DCDC2: variants seen among roughly 807,000 people sequenced by gnomAD.
DCDC2 encodes the protein doublecortin domain-containing protein 2.
A neutral mutation model predicts 50.2 loss-of-function variants in DCDC2; 40 were observed. The ratio of observed to expected loss-of-function variants is 0.80; its 90% CI spans 0.62 to 1.04. The LOEUF is 1.04. Ranked by LOEUF, DCDC2 falls within the 50% of genes least tolerant of loss-of-function variation. The probability of loss-of-function intolerance (pLI) is 0.00; values close to 1 mark genes in which losing one functional copy is unlikely to be tolerated. For synonymous variants in DCDC2, 234 were observed against 210.6 expected (o/e 1.11, Z -0.96); for missense variants, 570 against 581.9 (o/e 0.98, Z 0.21).
chr6:24,342,697 A>G (rs1760181910), intron 2 of DCDC2, among the ~76,000 whole-genome samples: 1 of 152,128 alleles, frequency 6.6e-6, no homozygotes, highest in East Asian at 1.9e-4. Context: ...TCCAATTAAA[A>G]AAAAAAAAGG....
At position 24,228,981 on chromosome 6, in the gene DCDC2, T is replaced by C. The variant is rs544251981; in HGVS notation, c.923-23879A>G. Among the ~76,000 whole-genome samples, 3 of 152,338 alleles carry C rather than the reference T, an allele frequency of 2.0e-5. No homozygotes were observed. In the South Asian group the frequency reaches 6.2e-4, roughly 32 times the overall value. On this transcript the variant is annotated intron_variant, in intron 7 of 9. Coordinates refer to ENST00000378454, the MANE Select transcript of DCDC2 (RefSeq NM_016356.5). Reference sequence around the variant, plus strand: ...TTCTGGTTCTGTTTTTGGCTTTTAATTTTCCCCCAAAGAATACCAGAAATC... The same window carrying C: ...TTCTGGTTCTGTTTTTGGCTTTTAACTTTCCCCCAAAGAATACCAGAAATC...
At chr6:24,258,276 G>A (rs553355439) in intron 7 of DCDC2, among the ~76,000 whole-genome samples, 21 of 151,948 alleles carry the variant, frequency 1.4e-4, no homozygotes, top group South Asian at 1.0e-3. Context: ...GGCTGGGGGC[G>A]GGGGGTGGCC....
the DCDC2 span, among the ~76,000 whole-genome samples, chr6:24,370,667 G>A: frequency 6.6e-6 from 1 of 152,116 alleles, no homozygotes; most frequent in Non-Finnish European, 1.5e-5. Flanking sequence ...CTGTTTTTAT[G>A]CAACTGCACT....
chr6:24,324,564 G>A (rs954569743), intron 2 of DCDC2, among the ~76,000 whole-genome samples: 2 of 152,102 alleles, frequency 1.3e-5, no homozygotes, highest in Non-Finnish European at 1.5e-5. Flanking sequence ...TGGATTGTTT[G>A]GGTGAGGGTA....
intron 7 of DCDC2, among the ~76,000 whole-genome samples, chr6:24,215,777 C>A (rs370265466): frequency 6.6e-6 from 1 of 152,146 alleles, no homozygotes. Flanking sequence ...GCTGAGGGGG[C>A]GGCACTGCTT....
chr6:24,232,106 C>T (rs890055858), intron 7 of DCDC2, among the ~76,000 whole-genome samples: 4 of 151,502 alleles, frequency 2.6e-5, no homozygotes, highest in East Asian at 1.9e-4. Flanking sequence ...GCAATTTAAT[C>T]GAATATAACA....
intron 2 of DCDC2, among the ~76,000 whole-genome samples, chr6:24,343,028 C>T (rs1760189966): frequency 6.6e-6 from 1 of 151,234 alleles, no homozygotes; most frequent in Non-Finnish European, 1.5e-5. Flanking sequence ...ATGTAGTCCA[C>T]TGCCTGGCTC....
At chr6:24,184,113 G>C (rs1286995797) in intron 8 of DCDC2, among the ~76,000 whole-genome samples, 1 of 152,192 alleles carries the variant, frequency 6.6e-6, no homozygotes. Context: ...AAGTGACCAA[G>C]TAGGGCTAGG....
chr6:24,357,721 G>A lies in DCDC2; in HGVS notation c.30C>T (p.His10=). The change falls in exon 1 of 10, where the codon CAC becomes CAT. Residue 10 remains histidine, a synonymous_variant. Transcript: ENST00000378454. ...CGCTCTTCACGACGGGCTGAGACAG[G>A]TGGCTGGACCTGGCGCTGCTGCCGC... MSGSSARSS[H]LSQPVVKSVL... 6.2e-7 allele frequency: 1 copy of A among 1,612,854 alleles called. No individual in the cohort carries two copies. Among genetic ancestry groups the A allele is most frequent in the Non-Finnish European group, 8.5e-7 (1 of 1,179,632 alleles).
At chr6:24,219,206 A>G (rs1762045110) in intron 7 of DCDC2, among the ~76,000 whole-genome samples, 1 of 152,248 alleles carries the variant, frequency 6.6e-6, no homozygotes, top group Non-Finnish European at 1.5e-5. Flanking sequence ...GGGAATGCTG[A>G]TATAGTCAAG....
chr6:24,199,005 C>A (rs112075996), intron 8 of DCDC2, among the ~76,000 whole-genome samples: 2,360 of 152,270 alleles, frequency 0.015, 48 homozygotes, highest in African/African-American at 0.043. Flanking sequence ...GGCAGCAGCT[C>A]CAGTCAGGGG....
chr6:24,203,775 TA>T (rs575385534), intron 8 of DCDC2, among the ~76,000 whole-genome samples: 125 of 150,420 alleles, frequency 8.3e-4, no homozygotes, highest in Non-Finnish European at 1.6e-3. Context: ...ACAAGGAACT[TA>T]AAAAAATTTA....
chr6:24,371,304 G>GA, the DCDC2 span, among the ~76,000 whole-genome samples: 9 of 140,896 alleles, frequency 6.4e-5, no homozygotes, highest in South Asian at 1.3e-3. Context: ...GAAAAGAAAA[G>GA]AAAAAAAAGA....
In DCDC2 at chr6:24,177,557, G is replaced by A. The variant is rs1423809398; in HGVS notation, c.1326+773C>T. Among the ~76,000 whole-genome samples the A allele has an allele frequency of 2.0e-5, 3 of 152,202 alleles. No individual in the cohort carries two copies. In the East Asian group the frequency reaches 5.8e-4, roughly 29 times the overall value. On this transcript the variant is annotated intron_variant, in intron 9 of 9. Coordinates refer to ENST00000378454, the MANE Select transcript of DCDC2 (RefSeq NM_016356.5). The stretch of plus-strand genomic sequence containing the variant: ...TAGACAGGAAGGGATGGGATAAGCA[G>A]ATGGTGAGAATGTTATGGAGAACAT...
intron 2 of DCDC2, among the ~76,000 whole-genome samples, chr6:24,335,849 T>G (rs1188984453): frequency 6.6e-6 from 1 of 152,132 alleles, no homozygotes; most frequent in East Asian, 1.9e-4. Flanking sequence ...TGGGGGAAAC[T>G]GCCCCCATGA....
Position 24,320,430 on chromosome 6 carries a change from C to T in DCDC2, c.349-18386G>A, listed in dbSNP as rs545894203. Among the ~76,000 whole-genome samples the T allele has an allele frequency of 4.6e-5, 7 of 152,298 alleles. No homozygotes were observed. In the East Asian group the frequency reaches 9.6e-4, roughly 21 times the overall value. ...CACTGCAACCTCTGCCTCCCAGGTT[C>T]GAGCAATTCTACTGCCTCAGCTTCC... On this transcript the variant is annotated intron_variant, in intron 2 of 9. Transcript: ENST00000378454.
At chr6:24,203,335 A>G (rs1011058150) in intron 8 of DCDC2, among the ~76,000 whole-genome samples, 2 of 152,226 alleles carry the variant, frequency 1.3e-5, no homozygotes, top group Admixed American at 6.5e-5. Flanking sequence ...AACATCGCAC[A>G]TCTACAACCA....
At chr6:24,263,541 T>G (rs1763055550) in intron 7 of DCDC2, among the ~76,000 whole-genome samples, 1 of 152,086 alleles carries the variant, frequency 6.6e-6, no homozygotes, top group Admixed American at 6.6e-5. Flanking sequence ...AGACTGAAAT[T>G]TTTAAATCAA....
intron 7 of DCDC2, among the ~76,000 whole-genome samples, chr6:24,229,346 A>C (rs947366809): frequency 2.0e-5 from 3 of 152,098 alleles, no homozygotes; most frequent in African/African-American, 7.2e-5. Context: ...TTTTTACATT[A>C]TCTCTCTGCT....
Sources: gnomAD v4.1 joint callset for allele counts (sites outside exome capture counted in the v4.1 genomes callset) on GRCh38, gnomAD v4.1.1 for gene constraint, MANE v1.5 for transcripts, NCBI Gene and HGNC (gene_info 2026-07-23, HGNC 2026-07-21) for gene names.